SAMD5: variants seen among roughly 807,000 people sequenced by gnomAD.
SAMD5 encodes sterile alpha motif domain containing 5.
Under a neutral mutation model 11.3 loss-of-function variants are expected in SAMD5, and 13 were observed. The ratio of observed to expected loss-of-function variants is 1.15; its 90% CI spans 0.75 to 1.83. The LOEUF is 1.83. Ranked by LOEUF, SAMD5 falls within the 40% of genes most tolerant of loss-of-function variation. The pLI is 0.00. For missense variants in SAMD5, 255 were observed against 239.1 expected, an observed-to-expected ratio of 1.07 and a Z score of -0.44; for synonymous variants, 129 against 111.3, an observed-to-expected ratio of 1.16 and a Z score of -1.00.
rs73787352 is a variant in SAMD5 at position 147,647,918 on chromosome 6, A to G, written c.163-89399A>G. On this transcript the variant is annotated intron_variant, in intron 1 of 1. Coordinates refer to the SAMD5 transcript ENST00000566741. ...TAACAGAGTGTTGATGTTCACTCAA[A>G]CCCGTTCTTCTGTTGGACCACTACA... 7.2e-3 allele frequency among the ~76,000 whole-genome samples: 1,099 copies of G among 152,292 alleles called. 13 individuals carry two copies. Among genetic ancestry groups the G allele is most frequent in the African/African-American group, 0.025 (1,050 of 41,558 alleles).
At chr6:147,551,318 A>G in intron 1 of SAMD5, among the ~76,000 whole-genome samples, 1 of 152,190 alleles carries the variant, frequency 6.6e-6, no homozygotes, top group South Asian at 2.1e-4. Context: ...CCCTTATTTC[A>G]TAGGTCAAAA....
chr6:147,784,651 G>A, the SAMD5 span, among the ~76,000 whole-genome samples: 7 of 152,142 alleles, frequency 4.6e-5, no homozygotes, highest in African/African-American at 1.7e-4. Flanking sequence ...CAATACAAAT[G>A]GTGCTGTCTA....
the SAMD5 span, among the ~76,000 whole-genome samples, chr6:147,788,482 G>T: frequency 6.6e-6 from 1 of 152,160 alleles, no homozygotes; most frequent in African/African-American, 2.4e-5. Flanking sequence ...GTTTTTAAAT[G>T]TGGCTATAAA....
At chr6:147,738,320 CT>C (rs1791834887), downstream of SAMD5, among the ~76,000 whole-genome samples, 1 of 152,210 alleles carries the variant, frequency 6.6e-6, no homozygotes, top group Non-Finnish European at 1.5e-5. Flanking sequence ...ACTATTCGTA[CT>C]CCTTCTAAGC....
the SAMD5 span, among the ~76,000 whole-genome samples, chr6:147,822,585 G>A: frequency 1.3e-5 from 2 of 152,148 alleles, no homozygotes; most frequent in Non-Finnish European, 2.9e-5. Context: ...CACCTCGGGA[G>A]TTTTCTCTGT....
chr6:147,618,839 A>G (rs1768938023), intron 1 of SAMD5, among the ~76,000 whole-genome samples: 1 of 152,228 alleles, frequency 6.6e-6, no homozygotes, highest in Admixed American at 6.5e-5. Context: ...TACTTAGGAG[A>G]TTCATCTCTT....
At chr6:147,877,172 T>A in the SAMD5 span, among the ~76,000 whole-genome samples, 1 of 152,132 alleles carries the variant, frequency 6.6e-6, no homozygotes, top group Non-Finnish European at 1.5e-5. Flanking sequence ...GAAATCCTAG[T>A]GCACAATACC....
At chr6:147,627,534 G>T (rs1790073602) in intron 1 of SAMD5, among the ~76,000 whole-genome samples, 1 of 152,120 alleles carries the variant, frequency 6.6e-6, no homozygotes, top group Admixed American at 6.5e-5. Flanking sequence ...GATTGCCTCT[G>T]TACCTCTTCC....
the SAMD5 span, among the ~76,000 whole-genome samples, chr6:147,763,693 T>C: frequency 2.7e-5 from 4 of 149,878 alleles, no homozygotes; most frequent in Admixed American, 6.6e-5. Context: ...AGCCATTCTC[T>C]TGCCTCAGCC....
chr6:147,511,494 A>G (rs1562309385), intron 1 of SAMD5, among the ~76,000 whole-genome samples: 1 of 152,268 alleles, frequency 6.6e-6, no homozygotes, highest in East Asian at 1.9e-4. Context: ...ATCCCATAGC[A>G]ATAATGCTTG....
At chr6:147,693,089 G>A (rs1791125767) in intron 1 of SAMD5, among the ~76,000 whole-genome samples, 3 of 152,176 alleles carry the variant, frequency 2.0e-5, no homozygotes, top group South Asian at 2.1e-4. Flanking sequence ...CGCTCTCTCC[G>A]ACAATAGCTA....
the SAMD5 span, among the ~76,000 whole-genome samples, chr6:147,843,348 A>G: frequency 6.6e-6 from 1 of 152,240 alleles, no homozygotes; most frequent in Non-Finnish European, 1.5e-5. Flanking sequence ...TGAAGATGAC[A>G]TAAATAAATG....
Position 147,624,680 on chromosome 6 carries a change from T to G in SAMD5, c.163-112637T>G, listed in dbSNP as rs138257168. ...TCCACATTTTTGCAATTGTGAATTG[T>G]GCTGCTATAAACATGATACAATGGA... is the stretch of plus-strand genomic sequence containing the variant. On this transcript the variant is annotated intron_variant, in intron 1 of 1. Transcript: ENST00000566741. 6.4e-3 allele frequency among the ~76,000 whole-genome samples: 967 copies of G among 152,246 alleles called. 8 individuals are homozygous for G. Among genetic ancestry groups the G allele is most frequent in the African/African-American group, 0.022 (917 of 41,544 alleles).
chr6:147,923,269 T>C, the SAMD5 span, among the ~76,000 whole-genome samples: 1 of 152,220 alleles, frequency 6.6e-6, no homozygotes, highest in African/African-American at 2.4e-5. Flanking sequence ...CTGTATTTGA[T>C]ATGCTGAATG....
At chr6:147,827,292 A>T in the SAMD5 span, among the ~76,000 whole-genome samples, 2 of 152,080 alleles carry the variant, frequency 1.3e-5, no homozygotes, top group African/African-American at 4.8e-5. Flanking sequence ...ACACACATAT[A>T]CACAGAAAGA....
chr6:147,928,626 T>G, the SAMD5 span, among the ~76,000 whole-genome samples: 5 of 152,152 alleles, frequency 3.3e-5, no homozygotes, highest in African/African-American at 1.2e-4. Flanking sequence ...CTGGATTCAT[T>G]GATATGTTGA....
chr6:147,786,274 T>C, the SAMD5 span, among the ~76,000 whole-genome samples: 1 of 152,220 alleles, frequency 6.6e-6, no homozygotes, highest in Admixed American at 6.5e-5. Context: ...TGCCTATGCT[T>C]CTGTTTATTT....
intron 1 of SAMD5, among the ~76,000 whole-genome samples, chr6:147,729,516 T>C (rs973795955): frequency 6.6e-6 from 1 of 152,180 alleles, no homozygotes; most frequent in Non-Finnish European, 1.5e-5. Flanking sequence ...TTTCTCTCTT[T>C]ATGAATCTCG....
the SAMD5 span, among the ~76,000 whole-genome samples, chr6:147,896,156 A>C: frequency 6.6e-6 from 1 of 152,200 alleles, no homozygotes; most frequent in Non-Finnish European, 1.5e-5. Context: ...TACTTTCTGC[A>C]TTCTCCAGAA....
Sources: gnomAD v4.1 joint callset for allele counts (sites outside exome capture counted in the v4.1 genomes callset) on GRCh38, gnomAD v4.1.1 for gene constraint, MANE v1.5 for transcripts, NCBI Gene and HGNC (gene_info 2026-07-23, HGNC 2026-07-21) for gene names.